Variants in NPAS3 observed in about 807,000 individuals in gnomAD.
NPAS3 encodes the protein neuronal PAS domain protein 3, also known as neuronal PAS domain-containing protein 3.
A neutral mutation model predicts 73.1 loss-of-function variants in NPAS3; 14 were observed. The ratio of observed to expected loss-of-function variants is 0.19; its 90% confidence interval spans 0.13 to 0.30. The LOEUF (loss-of-function observed/expected upper bound fraction) is 0.30. NPAS3 is among the 10% of genes least tolerant of loss of function. The pLI is 1.00. For missense variants in NPAS3, 1,096 were observed against 1,250.0 expected, an observed-to-expected ratio of 0.88 and a Z score of 1.86; for synonymous variants, 620 against 541.5, an observed-to-expected ratio of 1.14 and a Z score of -2.01.
chr14:33,684,058 G>A (rs1051733428), intron 6 of NPAS3, among the ~76,000 whole-genome samples: 2 of 152,062 alleles, frequency 1.3e-5, no homozygotes, highest in East Asian at 1.9e-4. Flanking sequence ...TTAGAGGAAA[G>A]GGTACAATAT....
At chr14:33,789,628 G>T (rs550229433) in intron 9 of NPAS3, among the ~76,000 whole-genome samples, 1 of 111,444 alleles carries the variant, frequency 9.0e-6, no homozygotes, top group African/African-American at 3.7e-5. Flanking sequence ...TCGCTCTGTC[G>T]CCCAGGCTGG....
intron 4 of NPAS3, among the ~76,000 whole-genome samples, chr14:33,505,904 T>C (rs374723429): frequency 9.2e-5 from 14 of 152,104 alleles, no homozygotes; most frequent in African/African-American, 3.4e-4. Flanking sequence ...CTGACCTTGT[T>C]GGAATATGCC....
intron 4 of NPAS3, among the ~76,000 whole-genome samples, chr14:33,556,491 G>C (rs1267778932): frequency 6.6e-6 from 1 of 152,228 alleles, no homozygotes; most frequent in Non-Finnish European, 1.5e-5. Context: ...GGAGCACTGA[G>C]CATGGAGGTA....
chr14:33,424,091 A>T (rs1475066550), intron 4 of NPAS3, among the ~76,000 whole-genome samples: 2 of 151,976 alleles, frequency 1.3e-5, no homozygotes, highest in East Asian at 3.9e-4. Context: ...AATGCCCTCA[A>T]GGAGAGGCAA....
intron 1 of NPAS3, among the ~76,000 whole-genome samples, chr14:32,983,234 G>T (rs747690505): frequency 2.6e-5 from 4 of 151,944 alleles, no homozygotes; most frequent in African/African-American, 9.7e-5. Context: ...ATTTTGTAGG[G>T]TTTACATCCC....
intron 2 of NPAS3, among the ~76,000 whole-genome samples, chr14:33,061,410 T>G (rs2041094724): frequency 6.6e-6 from 1 of 152,212 alleles, no homozygotes. Flanking sequence ...GCTAAACATG[T>G]TAAACAGACA....
At position 33,560,224 on chromosome 14, in the gene NPAS3, T is replaced by C. The variant is rs183617297; in HGVS notation, c.558+14T>C. 2 of 857,888 alleles carry C rather than the reference T, an allele frequency of 2.3e-6. No individual in the cohort carries two copies. The highest frequency in any genetic ancestry group is 3.5e-5 in the Admixed American group (2 of 57,794). 53.1% of individuals were successfully genotyped at this position (857,888 alleles called of 1,614,324 possible). ...GGCCTCTCACAAGTAAGTAAAACAA[T>C]TTTAGATTCTTGGCAGCGATTATGA... On this transcript the variant is annotated intron_variant, in intron 5 of 11. Coordinates refer to ENST00000356141, the Ensembl canonical transcript of NPAS3.
chr14:33,776,049 GTGGAGTCTCC>G (rs1256151106), intron 8 of NPAS3, among the ~76,000 whole-genome samples: 1 of 152,194 alleles, frequency 6.6e-6, no homozygotes, highest in Non-Finnish European at 1.5e-5. Context: ...GCTACATCCT[GTGGAGTCTCC>G]TGGAGTCTCT....
intron 4 of NPAS3, among the ~76,000 whole-genome samples, chr14:33,467,118 G>C (rs1333907614): frequency 6.6e-6 from 1 of 152,182 alleles, no homozygotes; most frequent in Non-Finnish European, 1.5e-5. Flanking sequence ...AGAACCGCGT[G>C]AGTGACTGTG....
chr14:32,955,224 T>G (rs2036627396), intron 1 of NPAS3, among the ~76,000 whole-genome samples: 1 of 152,132 alleles, frequency 6.6e-6, no homozygotes, highest in Admixed American at 6.5e-5. Context: ...GTCTTCTAGC[T>G]CAAGGTCTAT....
chr14:33,475,409 A>G (rs1040070172), intron 4 of NPAS3, among the ~76,000 whole-genome samples: 17 of 152,174 alleles, frequency 1.1e-4, no homozygotes, highest in African/African-American at 4.1e-4. Context: ...ATCAAAAATC[A>G]TAGGTCTGAT....
chr14:33,584,401 T>TA (rs5807734), intron 5 of NPAS3, among the ~76,000 whole-genome samples: 7,771 of 84,312 alleles, frequency 0.092, 279 homozygotes, highest in African/African-American at 0.19. Context: ...GATGTTTATT[T>TA]AAAAAAAAAA....
chr14:32,965,772 C>T (rs1257183460), intron 1 of NPAS3, among the ~76,000 whole-genome samples: 1 of 152,140 alleles, frequency 6.6e-6, no homozygotes, highest in Admixed American at 6.5e-5. Flanking sequence ...TCAGATTGTT[C>T]TTGTTTGCAG....
chr14:33,745,067 C>T (rs2140717017), intron 7 of NPAS3, among the ~76,000 whole-genome samples: 1 of 151,848 alleles, frequency 6.6e-6, no homozygotes, highest in South Asian at 2.1e-4. Flanking sequence ...ACAGCAAGAC[C>T]CCCTCTCTAC....
intron 3 of NPAS3, among the ~76,000 whole-genome samples, chr14:33,284,287 A>G (rs545539560): frequency 6.6e-6 from 1 of 152,088 alleles, no homozygotes; most frequent in African/African-American, 2.4e-5. Context: ...CATACTTTAG[A>G]TGACATAAGA....
intron 4 of NPAS3, among the ~76,000 whole-genome samples, chr14:33,370,814 A>T (rs2046054787): frequency 6.6e-6 from 1 of 152,154 alleles, no homozygotes; most frequent in African/African-American, 2.4e-5. Context: ...GACAGGATTT[A>T]ATCATCACCA....
chr14:33,052,034 C>T lies in NPAS3; in HGVS notation c.51-3871C>T, dbSNP rs1384879019. On this transcript the variant is annotated intron_variant, in intron 1 of 11. Transcript: ENST00000356141. ...TTGGCTTCCCAAAGTGCTGGGATTACAGGTGTGAGCCACCGTGCCTGGCCA... is the reference window on the plus strand; with the variant it reads ...TTGGCTTCCCAAAGTGCTGGGATTATAGGTGTGAGCCACCGTGCCTGGCCA... Among the ~76,000 whole-genome samples, 5 of 152,310 alleles carry T rather than the reference C, an allele frequency of 3.3e-5. No individual in the cohort carries two copies. The East Asian group carries it at 9.7e-4, about 29-fold the overall frequency.
chr14:33,384,514 G>T (rs1246342469), intron 4 of NPAS3, among the ~76,000 whole-genome samples: 1 of 151,924 alleles, frequency 6.6e-6, no homozygotes, highest in Non-Finnish European at 1.5e-5. Flanking sequence ...TGGATCACCT[G>T]AAGTCAGGAG....
At chr14:33,592,187 T>C (rs2057092978) in intron 5 of NPAS3, among the ~76,000 whole-genome samples, 2 of 152,168 alleles carry the variant, frequency 1.3e-5, no homozygotes, top group Non-Finnish European at 2.9e-5. Context: ...CATGGACCAC[T>C]AGGAAAATTA....
Sources: allele counts gnomAD v4.1 joint callset (sites outside exome capture counted in the v4.1 genomes callset), GRCh38; gene constraint gnomAD v4.1.1; transcripts MANE v1.5; gene names NCBI Gene and HGNC (gene_info 2026-07-23, HGNC 2026-07-21).